The following KANTR variants were observed in gnomAD, a reference collection of about 807,000 sequenced individuals.
The protein encoded by KANTR is KDM5C adjacent transcript.
At chrX:53,143,750 C>T, downstream of KANTR, 1 of 584,171 alleles carries the variant, frequency 1.7e-6, no homozygotes, top group Non-Finnish European at 3.0e-6. Flanking sequence ...GCCTCATGGC[C>T]CATGTAGGAG....
downstream of KANTR, chrX:53,143,338 A>T: frequency 1.4e-6 from 1 of 723,766 alleles, no homozygotes; most frequent in South Asian, 2.4e-5. Flanking sequence ...CTTGGTGAGG[A>T]TCTTCATGAG....
Position 53,139,162 on chromosome X carries a change from A to G in KANTR, n.204-2686A>G, listed in dbSNP as rs781891411. Among the ~76,000 whole-genome samples the G allele has an allele frequency of 6.5e-5, 7 of 107,584 alleles. No homozygotes were observed. In the East Asian group the frequency reaches 2.0e-3, roughly 31 times the overall value. 93.4% of individuals were successfully genotyped at this position (107,584 alleles called of 115,157 possible). A position where few individuals can be genotyped will look rare whatever the true frequency, so the allele number is the denominator to read the frequency against. ...CTTGAACTCGGAAGGCAGAGGTTGC[A>G]GTGAGCCAAGATGGTGCCACTGCTC... is the stretch of plus-strand genomic sequence containing the variant. On this transcript the variant is annotated intron_variant and non_coding_transcript_variant, in intron 2 of 2. Transcript: ENST00000366185.
At chrX:53,097,961 G>C (rs1365684511) in intron 1 of KANTR, among the ~76,000 whole-genome samples, 1 of 100,279 alleles carries the variant, frequency 1.0e-5, no homozygotes, top group African/African-American at 3.7e-5. Flanking sequence ...TGAGGCAGGA[G>C]AATTGCTTGA....
At chrX:53,108,350 T>A (rs1270969267) in intron 2 of KANTR, among the ~76,000 whole-genome samples, 2 of 108,017 alleles carry the variant, frequency 1.9e-5, no homozygotes, top group African/African-American at 6.8e-5. Context: ...TACAGGTGCA[T>A]ACTACCACAC....
chrX:53,138,116 T>C (rs1180469695), intron 2 of KANTR, among the ~76,000 whole-genome samples: 1 of 109,978 alleles, frequency 9.1e-6, no homozygotes, highest in Non-Finnish European at 1.9e-5. Context: ...TTGCCCAGGC[T>C]TTAGTTCAAC....
downstream of KANTR, chrX:53,143,172 G>A (rs1278893393): frequency 4.6e-6 from 4 of 876,634 alleles, no homozygotes; most frequent in Non-Finnish European, 6.7e-6. Flanking sequence ...TGTTGCCGAT[G>A]GTGATGACCT....
chrX:53,095,978 C>T (rs933090837), intron 1 of KANTR, among the ~76,000 whole-genome samples: 13 of 110,885 alleles, frequency 1.2e-4, no homozygotes, highest in Non-Finnish European at 2.3e-4. Context: ...GGCACACTTC[C>T]GCCTCAGGGG....
At chrX:53,134,207 C>T (rs1043399244) in intron 2 of KANTR, among the ~76,000 whole-genome samples, 5 of 110,694 alleles carry the variant, frequency 4.5e-5, no homozygotes, top group African/African-American at 1.3e-4. Flanking sequence ...ACTAAAAATA[C>T]AAAAATTAGC....
chrX:53,118,256 A>G (rs1438860478), intron 2 of KANTR, among the ~76,000 whole-genome samples: 2 of 111,965 alleles, frequency 1.8e-5, no homozygotes, highest in Non-Finnish European at 3.8e-5. Context: ...AATTTACACT[A>G]CTTTCAGAAA....
At chrX:53,098,065 A>G (rs1426367838) in intron 1 of KANTR, among the ~76,000 whole-genome samples, 1 of 107,734 alleles carries the variant, frequency 9.3e-6, no homozygotes, top group South Asian at 4.0e-4. Context: ...AAAAAAAAAA[A>G]AAAAAGAAAG....
intron 2 of KANTR, among the ~76,000 whole-genome samples, chrX:53,139,220 C>CAAAA (rs200871442): frequency 2.5e-5 from 2 of 79,844 alleles, no homozygotes; most frequent in African/African-American, 1.1e-4. Context: ...GACTCCGTCT[C>CAAAA]AAAAAAAAAA....
At chrX:53,113,172 A>G in intron 2 of KANTR, 1 of 246,571 alleles carries the variant, frequency 4.1e-6, no homozygotes, top group Admixed American at 4.3e-5. Flanking sequence ...GCGTGGCTGT[A>G]GGGGAAGATT....
At chrX:53,144,583 C>T (rs1397336529), downstream of KANTR, among the ~76,000 whole-genome samples, 1 of 110,987 alleles carries the variant, frequency 9.0e-6, no homozygotes, top group Non-Finnish European at 1.9e-5. Context: ...ATAATCCCAG[C>T]TACTTGGGAG....
exon 3 of KANTR, chrX:53,141,968 C>T (rs1271597533): frequency 6.0e-5 from 23 of 383,270 alleles, no homozygotes; most frequent in African/African-American, 8.3e-5. Flanking sequence ...TCTGACAGAC[C>T]GGCAGGACAG....
intron 2 of KANTR, among the ~76,000 whole-genome samples, chrX:53,133,241 C>T (rs1356603769): frequency 2.7e-5 from 3 of 109,525 alleles, no homozygotes; most frequent in Non-Finnish European, 5.7e-5. Context: ...GTGGTGTGTG[C>T]CTGTGGTCCC....
At chrX:53,130,184 C>G (rs1458525124), downstream of KANTR, among the ~76,000 whole-genome samples, 2 of 112,233 alleles carry the variant, frequency 1.8e-5, no homozygotes, top group African/African-American at 6.5e-5. Flanking sequence ...ATTTTTGTTT[C>G]CAAACATATA....
At chrX:53,109,515 C>T (rs1932998922) in intron 2 of KANTR, among the ~76,000 whole-genome samples, 1 of 111,776 alleles carries the variant, frequency 8.9e-6, no homozygotes, top group African/African-American at 3.3e-5. Context: ...AACCCCTGAC[C>T]TCAGGTGATC....
At chrX:53,101,485 T>C (rs1252141563) in intron 2 of KANTR, among the ~76,000 whole-genome samples, 1 of 112,049 alleles carries the variant, frequency 8.9e-6, no homozygotes, top group Non-Finnish European at 1.9e-5. Context: ...TTGAGATACT[T>C]CCTTTGACTC....
intron 3 of KANTR, among the ~76,000 whole-genome samples, chrX:53,147,815 A>AC (rs1264368976): frequency 9.0e-6 from 1 of 111,308 alleles, no homozygotes; most frequent in East Asian, 2.8e-4. Flanking sequence ...TAAGAAACTC[A>AC]CTCAAAACCG....
Sources: allele counts gnomAD v4.1 joint callset (sites outside exome capture counted in the v4.1 genomes callset), GRCh38; gene constraint gnomAD v4.1.1; transcripts MANE v1.5; gene names NCBI Gene and HGNC (gene_info 2026-07-23, HGNC 2026-07-21).